Variants in ZNF341 observed in about 807,000 individuals in gnomAD.
The protein encoded by ZNF341 is zinc finger protein 341.
Under a neutral mutation model 87.7 loss-of-function variants are expected in ZNF341, and 52 were observed. The observed-to-expected ratio is 0.59, with a 90% CI of 0.47 to 0.75. The LOEUF (loss-of-function observed/expected upper bound fraction) is 0.75. Among genes scored for constraint, ZNF341 ranks in the 30% least tolerant of loss-of-function variants. ZNF341 has a pLI of 0.00. For missense variants in ZNF341, 977 were observed against 1,145.9 expected, an observed-to-expected ratio of 0.85 and a Z score of 2.13; for synonymous variants, 459 against 472.7, an observed-to-expected ratio of 0.97 and a Z score of 0.38.
rs2122705251 is a variant in ZNF341, at chr20:33,770,145, A to G, written c.1475A>G (p.Glu492Gly). The change falls in exon 10 of 15, where the codon GAG becomes GGG. Residue 492 changes from glutamate to glycine, a missense_variant. Glu to Gly is a moderately conservative substitution (Grantham distance 98). This residue lies in a region of ZNF341 where 241 missense variants were observed against 335.0 expected (regional missense o/e 0.72). Coordinates refer to ENST00000375200, the MANE Select transcript of ZNF341 (RefSeq NM_001282933.2). Reference sequence around the variant, plus strand: ...TTCCCAAAGCTCGACACATTTCTGGAGCACATCAAGAGCCACCAGGAGGAG... The same window carrying G: ...TTCCCAAAGCTCGACACATTTCTGGGGCACATCAAGAGCCACCAGGAGGAG... ...QTFPKLDTFL[E>G]HIKSHQEELS... The G allele has an allele frequency of 6.2e-7, 1 of 1,614,086 alleles. No individual in the cohort carries two copies. Among genetic ancestry groups the G allele is most frequent in the Non-Finnish European group, 8.5e-7 (1 of 1,179,998 alleles).
chr20:33,771,099 G>C (rs1022777041), intron 10 of ZNF341, among the ~76,000 whole-genome samples: 5 of 152,124 alleles, frequency 3.3e-5, no homozygotes, highest in Non-Finnish European at 7.4e-5. Context: ...TCCAGCCTGG[G>C]CGACAGAGCA....
chr20:33,743,062 G>C (rs545623510), intron 2 of ZNF341, among the ~76,000 whole-genome samples: 156 of 121,554 alleles, frequency 1.3e-3, no homozygotes, highest in African/African-American at 4.7e-3. Context: ...ACGGAGTTTT[G>C]CTCATGTTGC....
intron 10 of ZNF341, among the ~76,000 whole-genome samples, chr20:33,773,770 C>T (rs1051398928): frequency 6.6e-6 from 1 of 152,082 alleles, no homozygotes; most frequent in Non-Finnish European, 1.5e-5. Context: ...ATAACAGTGA[C>T]TTATACACCA....
At chr20:33,751,612 T>C (rs1057403871) in intron 4 of ZNF341, among the ~76,000 whole-genome samples, 1 of 152,128 alleles carries the variant, frequency 6.6e-6, no homozygotes, top group African/African-American at 2.4e-5. Flanking sequence ...TCACTTCAGC[T>C]GCCCTGGCTG....
chr20:33,786,027 C>CTTTTTTTTTTTTTTTTTTTTT (rs11478588), intron 12 of ZNF341, among the ~76,000 whole-genome samples: 1 of 68,682 alleles, frequency 1.5e-5, no homozygotes. Flanking sequence ...ATGTATGAAC[C>CTTTTTTTTTTTTTTTTTTTTT]TTTTTTTTTT....
chr20:33,770,267 C>T lies in ZNF341; in HGVS notation c.1597C>T (p.Pro533Ser). 6.2e-7 allele frequency: 1 copy of T among 1,614,042 alleles called. No homozygotes were observed. The highest frequency in any genetic ancestry group is 8.5e-7 in the Non-Finnish European group (1 of 1,179,982). ...CCACAGCCTCCTGCCACAGCACAGC[C>T]CCAAGAAGGACAATGCCGTCTACAA... Reference protein sequence around the residue: ...YSHSLLPQHSPKKDNAVYKCV... With the variant: ...YSHSLLPQHSSKKDNAVYKCV... The change falls in exon 10 of 15, where the codon CCC becomes TCC. Residue 533 changes from proline (P) to serine (S), a missense_variant. Transcript: ENST00000375200.
intron 1 of ZNF341, among the ~76,000 whole-genome samples, chr20:33,734,888 A>G (rs1312345823): frequency 6.6e-6 from 1 of 151,996 alleles, no homozygotes; most frequent in East Asian, 1.9e-4. Context: ...TATTTTTAAT[A>G]GAGAAGGGGG....
chr20:33,756,517 C>G lies in ZNF341; in HGVS notation c.742-631C>G, dbSNP rs572814405. The stretch of plus-strand genomic sequence containing the variant: ...GAGTAGCTGGGATTACAGGCACACA[C>G]CACCATGCCTGACTTAATTTTTGTA... On this transcript the variant is annotated intron_variant, in intron 5 of 14. Coordinates refer to ENST00000375200, the MANE Select transcript of ZNF341 (RefSeq NM_001282933.2). Among the ~76,000 whole-genome samples the G allele has an allele frequency of 2.0e-5, 3 of 152,154 alleles. No homozygotes were observed. The East Asian group carries it at 5.8e-4, about 30-fold the overall frequency.
chr20:33,789,067 G>C, intron 13 of ZNF341, 93 bp downstream of exon 13: 1 of 927,718 alleles, frequency 1.1e-6, no homozygotes, highest in Non-Finnish European at 1.6e-6. Flanking sequence ...AGGCCTGAGG[G>C]CAGGCCTCTC....
chr20:33,766,275 G>A (rs1742666023), intron 8 of ZNF341, among the ~76,000 whole-genome samples: 1 of 151,756 alleles, frequency 6.6e-6, no homozygotes, highest in Non-Finnish European at 1.5e-5. Flanking sequence ...GCTCACTGCA[G>A]CCTCCGCCTC....
chr20:33,785,928 C>G (rs2019848381), intron 12 of ZNF341, among the ~76,000 whole-genome samples: 1 of 152,066 alleles, frequency 6.6e-6, no homozygotes, highest in African/African-American at 2.4e-5. Flanking sequence ...CCGGGCCCCC[C>G]CCAGAAGTTG....
At chr20:33,750,838 G>T (rs904277616) in intron 4 of ZNF341, among the ~76,000 whole-genome samples, 1 of 152,032 alleles carries the variant, frequency 6.6e-6, no homozygotes, top group African/African-American at 2.4e-5. Context: ...ACAAGGTTTT[G>T]CCATGTTGGC....
chr20:33,736,046 G>A (rs2018676315), intron 1 of ZNF341, among the ~76,000 whole-genome samples: 1 of 149,624 alleles, frequency 6.7e-6, no homozygotes, highest in African/African-American at 2.5e-5. Flanking sequence ...CCATAGTATG[G>A]CTATTTCACC....
intron 1 of ZNF341, among the ~76,000 whole-genome samples, chr20:33,740,668 C>T (rs6059441): frequency 2.6e-5 from 4 of 152,130 alleles, no homozygotes; most frequent in African/African-American, 9.7e-5. Flanking sequence ...CCAAGCCTAC[C>T]TAAATTTTGT....
intron 4 of ZNF341, among the ~76,000 whole-genome samples, chr20:33,751,751 A>T (rs1342738727): frequency 6.6e-6 from 1 of 151,792 alleles, no homozygotes; most frequent in African/African-American, 2.4e-5. Context: ...ATGTTTTTGT[A>T]TTTTTAGTAG....
intron 7 of ZNF341, among the ~76,000 whole-genome samples, chr20:33,759,083 G>T (rs2019239707): frequency 6.6e-6 from 1 of 152,164 alleles, no homozygotes; most frequent in East Asian, 1.9e-4. Flanking sequence ...GGGTTTCACA[G>T]ATGTGTTAGT....
At chr20:33,760,997 A>G (rs971301979) in intron 7 of ZNF341, among the ~76,000 whole-genome samples, 1 of 151,658 alleles carries the variant, frequency 6.6e-6, no homozygotes, top group Non-Finnish European at 1.5e-5. Flanking sequence ...TTTTATTTTC[A>G]TTTATTTTAT....
intron 5 of ZNF341, among the ~76,000 whole-genome samples, chr20:33,753,967 G>A (rs1315826796): frequency 6.6e-6 from 1 of 152,116 alleles, no homozygotes; most frequent in Non-Finnish European, 1.5e-5. Flanking sequence ...GGATGGCCTG[G>A]GCTGGGACAA....
chr20:33,751,764 A>G (rs1243121174), intron 4 of ZNF341, among the ~76,000 whole-genome samples: 1 of 151,744 alleles, frequency 6.6e-6, no homozygotes, highest in Admixed American at 6.6e-5. Flanking sequence ...TTTAGTAGAG[A>G]TGGGGTTTTG....
Sources: gnomAD v4.1 joint callset for allele counts (sites outside exome capture counted in the v4.1 genomes callset) on GRCh38, gnomAD v4.1.1 for gene constraint, gnomAD v4.1.1 regional missense constraint, MANE v1.5 for transcripts, NCBI Gene and HGNC (gene_info 2026-07-23, HGNC 2026-07-21) for gene names.